Variants in RAD54L observed in about 807,000 individuals in gnomAD.
RAD54L encodes the protein RAD54 like, also known as DNA repair and recombination protein RAD54-like.
RAD54L carries 74 observed loss-of-function variants against 91.6 expected under a neutral mutation model. That is an observed-to-expected ratio of 0.81 (90% CI 0.67 to 0.98). The LOEUF is 0.98. RAD54L is among the 50% of genes least tolerant of loss of function. RAD54L has a pLI of 0.00. For synonymous variants in RAD54L, 304 were observed against 349.7 expected (o/e 0.87, Z 1.46); for missense variants, 887 against 945.7 (o/e 0.94, Z 0.81).
chr1:46,251,047 G>A (rs576727060), intron 3 of RAD54L, among the ~76,000 whole-genome samples: 4 of 151,650 alleles, frequency 2.6e-5, no homozygotes, highest in Non-Finnish European at 5.9e-5. Context: ...AGTGGCTCAC[G>A]CCTGTAATCC....
At position 46,269,085 on chromosome 1, in the gene RAD54L, T is replaced by C. The variant is rs1432355908; in HGVS notation, c.1042+1476T>C. ...TGGCTTCCATCTTTTTCTGTTTGGA[T>C]ATCTGGTTCACCCTACATCATATAT... On this transcript the variant is annotated intron_variant, in intron 9 of 17. Coordinates refer to ENST00000371975, the MANE Select transcript of RAD54L (RefSeq NM_003579.4). 2.0e-5 allele frequency among the ~76,000 whole-genome samples: 3 copies of C among 152,204 alleles called. No individual in the cohort carries two copies. The East Asian group carries it at 5.8e-4, about 29-fold the overall frequency.
intron 3 of RAD54L, among the ~76,000 whole-genome samples, chr1:46,251,103 G>C (rs1006583317): frequency 6.6e-6 from 1 of 152,166 alleles, no homozygotes; most frequent in Non-Finnish European, 1.5e-5. Flanking sequence ...GAGGTCAGGA[G>C]TTCAAGACCA....
At chr1:46,253,420 AC>A (rs1166836804) in intron 3 of RAD54L, among the ~76,000 whole-genome samples, 2 of 152,156 alleles carry the variant, frequency 1.3e-5, no homozygotes, top group Non-Finnish European at 2.9e-5. Context: ...GGAGATTGAG[AC>A]CATCCTGGCT....
chr1:46,277,138 C>T (rs1384224524), intron 16 of RAD54L, among the ~76,000 whole-genome samples: 6 of 152,178 alleles, frequency 3.9e-5, no homozygotes, highest in Non-Finnish European at 8.8e-5. Flanking sequence ...CCAGTCTCAG[C>T]TCTTACTATA....
intron 3 of RAD54L, among the ~76,000 whole-genome samples, chr1:46,251,625 G>A (rs1659801110): frequency 6.6e-6 from 1 of 152,152 alleles, no homozygotes; most frequent in Admixed American, 6.5e-5. Flanking sequence ...AAATGGTGTT[G>A]GGTGGGCATG....
At chr1:46,273,880 C>A in intron 14 of RAD54L, 133 bp downstream of exon 14, 2 of 1,305,910 alleles carry the variant, frequency 1.5e-6, no homozygotes, top group Non-Finnish European at 2.1e-6. Context: ...TCCCTTATTG[C>A]TATGATGGCC....
At chr1:46,251,481 A>G (rs906299795) in intron 3 of RAD54L, among the ~76,000 whole-genome samples, 1 of 152,174 alleles carries the variant, frequency 6.6e-6, no homozygotes, top group African/African-American at 2.4e-5. Context: ...CTTGAATTTT[A>G]TCCATCATCT....
intron 14 of RAD54L, 87 bp from the exon 15 acceptor site, chr1:46,274,051 G>A (rs1047411804): frequency 1.5e-6 from 2 of 1,314,860 alleles, no homozygotes; most frequent in Non-Finnish European, 1.1e-6. Context: ...TGCTTTCTTG[G>A]GTCTTTTTAA....
intron 5 of RAD54L, 60 bp downstream of exon 5, chr1:46,260,159 G>A (rs777388572): frequency 6.2e-7 from 1 of 1,603,898 alleles, no homozygotes; most frequent in Non-Finnish European, 8.5e-7. Context: ...GCATACTTGG[G>A]AGGGCAGAGG....
intron 4 of RAD54L, among the ~76,000 whole-genome samples, chr1:46,259,282 G>A (rs1385911083): frequency 2.0e-5 from 3 of 151,768 alleles, no homozygotes; most frequent in Non-Finnish European, 4.4e-5. Context: ...CTCAAAAAGT[G>A]TTGGGACTAC....
At chr1:46,268,493 C>T (rs1660328164) in intron 9 of RAD54L, among the ~76,000 whole-genome samples, 1 of 152,184 alleles carries the variant, frequency 6.6e-6, no homozygotes. Flanking sequence ...TGTGTAACCA[C>T]CATCAGATGA....
At chr1:46,270,847 G>A in intron 10 of RAD54L, 62 bp downstream of exon 10, 1 of 1,608,796 alleles carries the variant, frequency 6.2e-7, no homozygotes, top group Non-Finnish European at 8.5e-7. Flanking sequence ...CAATCCTTTG[G>A]GGGCTTTGCC....
intron 3 of RAD54L, among the ~76,000 whole-genome samples, chr1:46,253,352 G>A (rs1037964521): frequency 9.2e-5 from 14 of 152,144 alleles, no homozygotes; most frequent in African/African-American, 2.4e-4. Context: ...GTTGGCTCAC[G>A]CCTATAATCC....
intron 3 of RAD54L, among the ~76,000 whole-genome samples, chr1:46,255,086 C>G (rs1659904578): frequency 6.6e-6 from 1 of 152,092 alleles, no homozygotes; most frequent in Non-Finnish European, 1.5e-5. Context: ...CATTCGTGAT[C>G]TTGGCCAGAG....
rs1660088159 is a variant in RAD54L at position 46,260,711 on chromosome 1, G to C, written c.478-16G>C. 6.2e-7 allele frequency: 1 copy of C among 1,614,104 alleles called. No homozygotes were observed. The highest frequency in any genetic ancestry group is 8.5e-7 in the Non-Finnish European group (1 of 1,180,058). ...AGCGTAGGTGCCAAAGTGGACTGAA[G>C]GCTGTTATTCTCTAGGGAGTGAAAT... On this transcript the variant is annotated splice_polypyrimidine_tract_variant and intron_variant, in intron 6 of 17. Transcript: ENST00000371975.
intron 10 of RAD54L, among the ~76,000 whole-genome samples, chr1:46,271,493 C>T (rs907107733): frequency 1.5e-4 from 23 of 152,214 alleles, no homozygotes; most frequent in African/African-American, 4.8e-4. Context: ...CCCATCTCTA[C>T]TAAATATACA....
chr1:46,272,055 T>TTTTTTC (rs1361142897), intron 10 of RAD54L, among the ~76,000 whole-genome samples: 1 of 129,240 alleles, frequency 7.7e-6, no homozygotes, highest in Non-Finnish European at 1.7e-5. Flanking sequence ...TTTTTTTTTT[T>TTTTTTC]TTTTGAGATG....
rs1660501818 is a variant in RAD54L at position 46,273,641 on chromosome 1, GATT to G, written c.1507_1509del (p.Tyr503del). The G allele has an allele frequency of 1.2e-6, 2 of 1,613,808 alleles. No homozygotes were observed. The highest frequency in any genetic ancestry group is 4.5e-5 in the East Asian group (2 of 44,876). On this transcript the variant is annotated inframe_deletion, in exon 14 of 18. Coordinates refer to ENST00000371975, the MANE Select transcript of RAD54L (RefSeq NM_003579.4). ...CTTCCCAGGTAAGATGCTGGTCCTG[GATT>G]ATATTCTGGCGGTGACCCGAAGCCG...
chr1:46,264,698 C>T (rs970895457), intron 8 of RAD54L, among the ~76,000 whole-genome samples: 66 of 152,224 alleles, frequency 4.3e-4, no homozygotes, highest in African/African-American at 1.3e-3. Flanking sequence ...CAGGGAAGTG[C>T]GTAGTGACTT....
Sources: gnomAD v4.1 joint callset for allele counts (sites outside exome capture counted in the v4.1 genomes callset) on GRCh38, gnomAD v4.1.1 for gene constraint, MANE v1.5 for transcripts, NCBI Gene and HGNC (gene_info 2026-07-23, HGNC 2026-07-21) for gene names.